Variants in IL17RB observed in about 807,000 individuals in gnomAD.
IL17RB encodes interleukin-17 receptor B.
IL17RB carries 36 observed loss-of-function variants against 43.9 expected under a neutral mutation model. The ratio of observed to expected loss-of-function variants is 0.82; its 90% CI spans 0.63 to 1.08. The LOEUF (loss-of-function observed/expected upper bound fraction) is 1.08. IL17RB is among the 50% of genes least tolerant of loss of function. The pLI is 0.00. For missense variants in IL17RB, 613 were observed against 613.6 expected (o/e 1.00, Z 0.01); for synonymous variants, 225 against 225.4 (o/e 1.00, Z 0.02).
At position 53,864,784 on chromosome 3, in the gene IL17RB, C is replaced by T. The variant is rs1314018124; in HGVS notation, c.985C>T (p.Leu329=). Residue 329 remains leucine, a synonymous_variant, in exon 11 of 11, where the codon CTG becomes TTG. Transcript: ENST00000288167. ...GACTTCCTTTTCTACCACCACACTA[C>T]TGCCCCCCATTAAGGTTCTTGTGGT... ...KKTSFSTTTL[L]PPIKVLVVYP... 1.9e-6 allele frequency: 3 copies of T among 1,613,492 alleles called. No homozygotes were observed. The East Asian group carries it at 6.7e-5, about 36-fold the overall frequency.
intron 10 of IL17RB, chr3:53,860,513 A>G (rs778404064): frequency 1.2e-4 from 32 of 264,204 alleles, no homozygotes; most frequent in Non-Finnish European, 2.2e-4. Flanking sequence ...ATGGCTGATA[A>G]CAAATTACAC....
chr3:53,858,328 C>T (rs1699425920), intron 8 of IL17RB: 1 of 1,018,652 alleles, frequency 9.8e-7, no homozygotes, highest in Non-Finnish European at 1.2e-6. Flanking sequence ...TCTGGAGAAC[C>T]ATAGACTTCC....
chr3:53,853,596 T>C (rs1576832118), intron 5 of IL17RB, among the ~76,000 whole-genome samples: 1 of 152,318 alleles, frequency 6.6e-6, no homozygotes, highest in East Asian at 1.9e-4. Flanking sequence ...AGTTCTCTGG[T>C]ACCACAGCTG....
intron 10 of IL17RB, among the ~76,000 whole-genome samples, chr3:53,863,353 T>C (rs1699638814): frequency 6.6e-6 from 1 of 152,226 alleles, no homozygotes; most frequent in Non-Finnish European, 1.5e-5. Context: ...AGTATTTGAA[T>C]ACAGAAACCA....
chr3:53,857,608 C>G lies in IL17RB; in HGVS notation c.673-8C>G. ...CACCTCATAATTCTTGACTCTCTCT[C>G]TCTTAAGCCACACCAGAAGAAACAA... is the stretch of plus-strand genomic sequence containing the variant. On this transcript the variant is annotated splice_polypyrimidine_tract_variant and splice_region_variant and intron_variant, in intron 7 of 10. Transcript: ENST00000288167. The G allele has an allele frequency of 1.2e-6, 2 of 1,613,768 alleles. No individual in the cohort carries two copies. The highest frequency in any genetic ancestry group is 8.5e-7 in the Non-Finnish European group (1 of 1,179,652).
At chr3:53,858,467 G>A (rs1457550892) in intron 8 of IL17RB, 22 of 1,308,440 alleles carry the variant, frequency 1.7e-5, no homozygotes, top group South Asian at 5.6e-5. Flanking sequence ...TTAGGTAAGC[G>A]AACTGGTATG....
intron 10 of IL17RB, among the ~76,000 whole-genome samples, chr3:53,863,418 A>G (rs762176813): frequency 6.6e-6 from 1 of 152,192 alleles, no homozygotes; most frequent in Non-Finnish European, 1.5e-5. Flanking sequence ...CCTCTTCTCC[A>G]TATGTAGGAA....
At chr3:53,852,772 T>C in intron 4 of IL17RB, 99 bp from the exon 5 acceptor site, 2 of 1,139,914 alleles carry the variant, frequency 1.8e-6, no homozygotes, top group Non-Finnish European at 2.5e-6. Flanking sequence ...TTTCACAGAG[T>C]GAGTAATGAA....
Position 53,865,417 on chromosome 3 carries a change from T to A in IL17RB, c.*109T>A. 1 of 799,944 alleles carries A rather than the reference T, an allele frequency of 1.3e-6. No homozygotes were observed. The highest frequency in any genetic ancestry group is 1.9e-6 in the Non-Finnish European group (1 of 529,440). 49.6% of individuals were successfully genotyped at this position (799,944 alleles called of 1,614,324 possible). ...CTATGCAGCCTACAAACAGCCTTAG[T>A]AATTAAAACATTTTATACCAATAAA... is the stretch of plus-strand genomic sequence containing the variant. On this transcript the variant is annotated 3_prime_UTR_variant, in exon 11 of 11. Coordinates refer to ENST00000288167, the MANE Select transcript of IL17RB (RefSeq NM_018725.4).
At chr3:53,851,084 C>T (rs146242021) in intron 3 of IL17RB, among the ~76,000 whole-genome samples, 56 of 152,300 alleles carry the variant, frequency 3.7e-4, no homozygotes, top group African/African-American at 1.1e-3. Context: ...TCCCAGATGA[C>T]GTCACGAAGC....
intron 5 of IL17RB, 24 bp from the exon 6 acceptor site, chr3:53,855,270 A>T (rs1313231253): frequency 1.3e-6 from 2 of 1,572,328 alleles, no homozygotes; most frequent in African/African-American, 2.7e-5. Context: ...TCTAAAATGT[A>T]AAAACTTTCA....
intron 8 of IL17RB, 35 bp downstream of exon 8, chr3:53,857,725 G>A (rs1458345909): frequency 6.6e-7 from 1 of 1,526,172 alleles, no homozygotes; most frequent in Admixed American, 1.7e-5. Flanking sequence ...GGAGGGAAGG[G>A]ACATAGAAGA....
At chr3:53,848,635 C>T (rs1461548162) in intron 1 of IL17RB, 29 bp from the exon 2 acceptor site, 9 of 1,486,910 alleles carry the variant, frequency 6.1e-6, no homozygotes, top group East Asian at 2.5e-5. Flanking sequence ...CCGGCTTCAA[C>T]GTGACGCTTG....
rs1055745366 is a variant in IL17RB at position 53,865,417 on chromosome 3, T to G, written c.*109T>G. 9.4e-5 allele frequency: 75 copies of G among 799,824 alleles called. No individual in the cohort carries two copies. In the Middle Eastern group the frequency reaches 1.9e-3, roughly 20 times the overall value. 49.5% of individuals were successfully genotyped at this position (799,824 alleles called of 1,614,324 possible). A position where few individuals can be genotyped will look rare whatever the true frequency, so the allele number is the denominator to read the frequency against. ...CTATGCAGCCTACAAACAGCCTTAGTAATTAAAACATTTTATACCAATAAA... is the reference window on the plus strand; with the variant it reads ...CTATGCAGCCTACAAACAGCCTTAGGAATTAAAACATTTTATACCAATAAA... On this transcript the variant is annotated 3_prime_UTR_variant, in exon 11 of 11. Coordinates refer to ENST00000288167, the MANE Select transcript of IL17RB (RefSeq NM_018725.4).
At position 53,858,774 on chromosome 3, in the gene IL17RB, T is replaced by C; in HGVS notation, c.803T>C (p.Val268Ala). The C allele has an allele frequency of 1.2e-6, 2 of 1,614,200 alleles. No individual in the cohort carries two copies. Among genetic ancestry groups the C allele is most frequent in the Non-Finnish European group, 1.7e-6 (2 of 1,180,032 alleles). ...GSDCIRHKGT[V>A]VLCPQTGVPF... ...GACTGCATCCGACATAAAGGAACAGTTGTGCTCTGCCCACAAACAGGCGTC... is the reference window on the plus strand; with the variant it reads ...GACTGCATCCGACATAAAGGAACAGCTGTGCTCTGCCCACAAACAGGCGTC... The change falls in exon 9 of 11, where the codon GTT becomes GCT. Residue 268 changes from valine (V) to alanine (A), a missense_variant. Coordinates refer to ENST00000288167, the MANE Select transcript of IL17RB (RefSeq NM_018725.4).
chr3:53,849,669 T>A lies in IL17RB; in HGVS notation c.100T>A (p.Trp34Arg). ...CTTTTTCCCAGGGCCATCTCCAGAG[T>A]GGATGCTACAACATGATCTAATCCC... ...CGSETGPSPE[W>R]MLQHDLIPGD... is the part of the protein sequence containing the mutation. Residue 34 changes from tryptophan to arginine, a missense_variant, in exon 3 of 11, where the codon TGG (tryptophan) becomes AGG (arginine). Coordinates refer to ENST00000288167, the MANE Select transcript of IL17RB (RefSeq NM_018725.4). 6.2e-7 allele frequency: 1 copy of A among 1,607,166 alleles called. No individual in the cohort carries two copies. Among genetic ancestry groups the A allele is most frequent in the Non-Finnish European group, 8.5e-7 (1 of 1,176,588 alleles).
Position 53,865,262 on chromosome 3 carries a change from C to T in IL17RB, c.1463C>T (p.Ala488Val), listed in dbSNP as rs751960151. Residue 488 changes from alanine to valine, a missense_variant, in exon 11 of 11, where the codon GCA becomes GTA. Transcript: ENST00000288167. The part of the protein sequence containing the change: ...ELLHVKQQVS[A>V]GKRSQACHDG... ...CTCCATGTCAAGCAGCAGGTGTCAG[C>T]AGGAAAAAGATCACAAGCCTGCCAC... The T allele has an allele frequency of 8.7e-6, 14 of 1,611,160 alleles. No homozygotes were observed. The highest frequency in any genetic ancestry group is 1.1e-5 in the Non-Finnish European group (13 of 1,179,992).
In IL17RB at chr3:53,860,217, T is replaced by C. The variant is rs759931515; in HGVS notation, c.935T>C (p.Met312Thr). 2 of 1,612,914 alleles carry C rather than the reference T, an allele frequency of 1.2e-6. No homozygotes were observed. Among genetic ancestry groups the C allele is most frequent in the South Asian group, 2.2e-5 (2 of 91,028 alleles). The change falls in exon 10 of 11, where the codon ATG becomes ACG. Residue 312 changes from methionine to threonine, a missense_variant. Transcript: ENST00000288167. ...TWVLVAGIYL[M>T]WRHERIKKTS... is the part of the protein sequence containing the mutation. Reference sequence around the variant, plus strand: ...GTGCTGGTGGCAGGGATCTATCTAATGTGGAGGCACGGTAAGGGTTATAAT... The same window carrying C: ...GTGCTGGTGGCAGGGATCTATCTAACGTGGAGGCACGGTAAGGGTTATAAT...
intron 1 of IL17RB, 69 bp downstream of exon 1, chr3:53,846,717 C>A: frequency 6.8e-7 from 1 of 1,475,790 alleles, no homozygotes. Context: ...GTCGTCTGAT[C>A]CGCCAGTCCA....
Sources: gnomAD v4.1 joint callset for allele counts (sites outside exome capture counted in the v4.1 genomes callset) on GRCh38, gnomAD v4.1.1 for gene constraint, MANE v1.5 for transcripts, NCBI Gene and HGNC (gene_info 2026-07-23, HGNC 2026-07-21) for gene names.